The following RAB20 variants were observed in gnomAD, a reference collection of about 807,000 sequenced individuals.
The protein encoded by RAB20 is ras-related protein Rab-20.
RAB20 carries 2 observed loss-of-function variants against 3.7 expected under a neutral mutation model. The ratio of observed to expected loss-of-function variants is 0.54; its 90% CI spans 0.22 to 1.69. The LOEUF is 1.69. RAB20 is among the 40% of genes most tolerant of loss of function. The pLI is 0.19. For missense variants in RAB20, 276 were observed against 311.9 expected (o/e 0.88, Z 0.87); for synonymous variants, 126 against 130.8 (o/e 0.96, Z 0.25).
Position 110,561,444 on chromosome 13 carries a change from T to C in RAB20, c.76A>G (p.Met26Val). 3 of 1,608,256 alleles carry C rather than the reference T, an allele frequency of 1.9e-6. No individual in the cohort carries two copies. The highest frequency in any genetic ancestry group is 2.5e-6 in the Non-Finnish European group (3 of 1,177,320). ...ACCGTGTCCGGGAAGCGCCGCTCCA[T>C]ATACCGCTGCAGCAGCGACGTCTTC... ...VGKTSLLQRY[M>V]ERRFPDTVST... Residue 26 changes from methionine to valine, a missense_variant, in exon 1 of 2, where the codon ATG becomes GTG. Transcript: ENST00000267328.
chr13:110,539,580 A>C (rs1884719396), intron 1 of RAB20, among the ~76,000 whole-genome samples: 1 of 132,506 alleles, frequency 7.5e-6, no homozygotes, highest in Admixed American at 8.1e-5. Flanking sequence ...TTTTTTTGAG[A>C]TGGAGTCTCA....
intron 1 of RAB20, among the ~76,000 whole-genome samples, chr13:110,540,883 G>C (rs995971694): frequency 6.6e-6 from 1 of 152,210 alleles, no homozygotes; most frequent in Non-Finnish European, 1.5e-5. Context: ...AGCTGGAAGA[G>C]CATGCTCTCC....
chr13:110,545,836 C>T (rs1164590604), intron 1 of RAB20, among the ~76,000 whole-genome samples: 1 of 152,178 alleles, frequency 6.6e-6, no homozygotes, highest in Non-Finnish European at 1.5e-5. Context: ...CTTTACAGTC[C>T]TTCGTTCTCT....
intron 1 of RAB20, among the ~76,000 whole-genome samples, chr13:110,545,283 T>C (rs950244079): frequency 1.3e-5 from 2 of 152,344 alleles, no homozygotes; most frequent in East Asian, 3.9e-4. Flanking sequence ...TGCATGCCTA[T>C]GTCAACACAT....
intron 1 of RAB20, among the ~76,000 whole-genome samples, chr13:110,528,282 G>A (rs917821345): frequency 6.6e-6 from 1 of 151,806 alleles, no homozygotes; most frequent in Admixed American, 6.6e-5. Flanking sequence ...CAGGCATGGT[G>A]GCATGTGCCT....
In RAB20 at chr13:110,559,925, C is replaced by A. The variant is rs560214176; in HGVS notation, c.172+1423G>T. Reference sequence around the variant, plus strand: ...CCAACGGTGGCCACTACAGGGGTTTCGGTTAGGGTCCCCCAATAACACTCC... The same window carrying A: ...CCAACGGTGGCCACTACAGGGGTTTAGGTTAGGGTCCCCCAATAACACTCC... On this transcript the variant is annotated intron_variant, in intron 1 of 1. Coordinates refer to ENST00000267328, the MANE Select transcript of RAB20 (RefSeq NM_017817.3). Among the ~76,000 whole-genome samples the A allele has an allele frequency of 4.3e-4, 66 of 152,270 alleles. No individual in the cohort carries two copies. The East Asian group carries it at 0.012, about 28-fold the overall frequency.
chr13:110,536,967 C>G (rs186418867), intron 1 of RAB20, among the ~76,000 whole-genome samples: 7 of 109,236 alleles, frequency 6.4e-5, no homozygotes, highest in African/African-American at 8.1e-5. Flanking sequence ...ATGTGATGTT[C>G]CCCTTCCTGT....
In RAB20 at chr13:110,526,290, C is replaced by T. The variant is rs138182413; in HGVS notation, c.173-2093G>A. On this transcript the variant is annotated intron_variant, in intron 1 of 1. Transcript: ENST00000267328. The stretch of plus-strand genomic sequence containing the variant: ...GGGGCACTGGCGCAGAGAGAGGTGG[C>T]ACCCAGGGAGTGTCCAGGCCCCATT... Among the ~76,000 whole-genome samples the T allele has an allele frequency of 2.9e-3, 439 of 152,334 alleles. 2 individuals are homozygous for T. The highest frequency in any genetic ancestry group is 0.01 in the African/African-American group (420 of 41,568).
At chr13:110,560,615 T>C (rs916538109) in intron 1 of RAB20, among the ~76,000 whole-genome samples, 1 of 152,178 alleles carries the variant, frequency 6.6e-6, no homozygotes, top group Non-Finnish European at 1.5e-5. Context: ...GGAAATATAT[T>C]CCATTGCAAT....
Position 110,523,069 on chromosome 13 carries a change from G to A in RAB20, c.*596C>T, listed in dbSNP as rs896245274. On this transcript the variant is annotated 3_prime_UTR_variant, in exon 2 of 2. Transcript: ENST00000267328. The stretch of plus-strand genomic sequence containing the variant: ...AAGTCAGTTCAGTCTCAATACCTAA[G>A]TTGTTCCAAAAATCCTCTTTAATAA... 1.9e-5 allele frequency: 7 copies of A among 364,836 alleles called. No homozygotes were observed. The highest frequency in any genetic ancestry group is 3.4e-5 in the Non-Finnish European group (7 of 205,778). The allele number at this position is 364,836 out of a possible 1,614,324, so 22.6% of individuals were successfully genotyped here.
At chr13:110,529,005 T>A (rs1884480319) in intron 1 of RAB20, among the ~76,000 whole-genome samples, 2 of 152,260 alleles carry the variant, frequency 1.3e-5, no homozygotes, top group Admixed American at 1.3e-4. Context: ...TTAGGATTGC[T>A]AATGGAAGAG....
intron 1 of RAB20, among the ~76,000 whole-genome samples, chr13:110,535,024 A>T (rs1419477029): frequency 6.6e-6 from 1 of 151,976 alleles, no homozygotes; most frequent in Admixed American, 6.5e-5. Context: ...AGTAGAGATG[A>T]GGTCTCACTA....
At chr13:110,538,435 G>C (rs1262350721) in intron 1 of RAB20, among the ~76,000 whole-genome samples, 1 of 150,952 alleles carries the variant, frequency 6.6e-6, no homozygotes, top group African/African-American at 2.4e-5. Flanking sequence ...GTGAGACTTT[G>C]TCTCTCCAAA....
Position 110,523,781 on chromosome 13 carries a change from G to A in RAB20, c.589C>T (p.Leu197Phe). The change falls in exon 2 of 2, where the codon CTC becomes TTC. Residue 197 changes from leucine (L) to phenylalanine (F), a missense_variant. Physicochemically the swap from Leu to Phe is conservative, Grantham distance 22. Transcript: ENST00000267328. ...ATCATTGGCACCACCAGGTCAAAGA[G>A]GGTCTCAAACAGGAGGTCCACATTG... The part of the protein sequence containing the change: ...GYNVDLLFET[L>F]FDLVVPMILQ... 1 of 1,614,224 alleles carries A rather than the reference G, an allele frequency of 6.2e-7. No homozygotes were observed.
Position 110,523,145 on chromosome 13 carries a change from A to AT in RAB20, c.*519dup. 1 of 399,336 alleles carries AT rather than the reference A, an allele frequency of 2.5e-6. No homozygotes were observed. Among genetic ancestry groups the AT allele is most frequent in the Non-Finnish European group, 4.4e-6 (1 of 227,158 alleles). The allele number at this position is 399,336 out of a possible 1,614,324, so 24.7% of individuals were successfully genotyped here. A position where few individuals can be genotyped will look rare whatever the true frequency, so the allele number is the denominator to read the frequency against. On this transcript the variant is annotated 3_prime_UTR_variant, in exon 2 of 2. Coordinates refer to ENST00000267328, the MANE Select transcript of RAB20 (RefSeq NM_017817.3). Reference sequence around the variant, plus strand: ...CAGTATAAAAACAAAGTTATTCCTGATTTTGTATAAATGAACACGTCGAGA... The same window carrying AT: ...CAGTATAAAAACAAAGTTATTCCTGATTTTTGTATAAATGAACACGTCGAGA...
chr13:110,552,692 C>CAAATAAATAAATAAAT (rs199741920), intron 1 of RAB20, among the ~76,000 whole-genome samples: 4 of 144,670 alleles, frequency 2.8e-5, no homozygotes, highest in African/African-American at 1.0e-4. Flanking sequence ...GACTCCATCT[C>CAAATAAATAAATAAAT]AAATAAATAA....
intron 1 of RAB20, among the ~76,000 whole-genome samples, chr13:110,529,506 G>A (rs1367840382): frequency 2.6e-5 from 4 of 152,336 alleles, no homozygotes; most frequent in African/African-American, 7.2e-5. Flanking sequence ...GGACTTTCCT[G>A]GAGAAATAAA....
chr13:110,525,095 T>G (rs1240756139), intron 1 of RAB20, among the ~76,000 whole-genome samples: 1 of 152,200 alleles, frequency 6.6e-6, no homozygotes, highest in East Asian at 1.9e-4. Flanking sequence ...CATGCACCCC[T>G]GCAGTGCCTG....
chr13:110,556,853 C>T (rs1885046835), intron 1 of RAB20, among the ~76,000 whole-genome samples: 2 of 152,148 alleles, frequency 1.3e-5, no homozygotes, highest in African/African-American at 4.8e-5. Flanking sequence ...TTTTAAGTAA[C>T]TAATTTGTTA....
Sources: allele counts gnomAD v4.1 joint callset (sites outside exome capture counted in the v4.1 genomes callset), GRCh38; gene constraint gnomAD v4.1.1; transcripts MANE v1.5; gene names NCBI Gene and HGNC (gene_info 2026-07-23, HGNC 2026-07-21).